RORA: variants seen among roughly 807,000 people sequenced by gnomAD.
RORA encodes the protein RAR related orphan receptor A.
Under a neutral mutation model 69.5 loss-of-function variants are expected in RORA, and 7 were observed. That is an observed-to-expected ratio of 0.10 (90% CI 0.06 to 0.19). The LOEUF (loss-of-function observed/expected upper bound fraction) is 0.19. Ranked by LOEUF, RORA falls within the 10% of genes least tolerant of loss-of-function variation. RORA has a pLI of 1.00. For missense variants in RORA, 457 were observed against 663.0 expected (o/e 0.69, Z 3.41); for synonymous variants, 261 against 240.8 (o/e 1.08, Z -0.78).
Position 60,511,188 on chromosome 15 carries a change from T to C in RORA, c.820+38A>G, listed in dbSNP as rs181111194. ...CATACCCCTTTTACTTCAAAGGGCATGAATAGAGCATCCCAGGAGAAGCAT... is the reference window on the plus strand; with the variant it reads ...CATACCCCTTTTACTTCAAAGGGCACGAATAGAGCATCCCAGGAGAAGCAT... On this transcript the variant is annotated intron_variant, in intron 5 of 10. Coordinates refer to ENST00000335670, the MANE Select transcript of RORA (RefSeq NM_134261.3). This position sits in a 1 kb window ranked among gnomAD's most constrained non-coding sequence, Gnocchi z 6.4. The C allele has an allele frequency of 5.8e-4, 910 of 1,579,416 alleles. 6 individuals are homozygous for C. The highest frequency in any genetic ancestry group is 3.1e-3 in the South Asian group (261 of 83,782).
intron 6 of RORA, among the ~76,000 whole-genome samples, chr15:60,505,145 A>G (rs2065458286): frequency 6.6e-6 from 1 of 152,212 alleles, no homozygotes; most frequent in Non-Finnish European, 1.5e-5. Context: ...ACTTCCAGAA[A>G]CATTAGGCTG....
intron 1 of RORA, among the ~76,000 whole-genome samples, chr15:60,725,990 T>G (rs1197346461): frequency 2.6e-5 from 4 of 152,144 alleles, no homozygotes; most frequent in African/African-American, 4.8e-5. Flanking sequence ...GCACACAACA[T>G]TTTTTGAATC....
In RORA at chr15:61,213,920, T is replaced by C. The variant is rs1041041780; in HGVS notation, c.166+15133A>G. 14 of 152,258 alleles carry C rather than the reference T, an allele frequency of 9.2e-5. No individual in the cohort carries two copies. Among genetic ancestry groups the C allele is most frequent in the Non-Finnish European group, 2.1e-4 (14 of 68,052 alleles). 9.4% of individuals were successfully genotyped at this position (152,258 alleles called of 1,614,324 possible). Reference sequence around the variant, plus strand: ...TGAAACTTTCGAGGAATAGATTTTCTTGCTTCATCCCAGTCCTCCCTCAGC... The same window carrying C: ...TGAAACTTTCGAGGAATAGATTTTCCTGCTTCATCCCAGTCCTCCCTCAGC... On this transcript the variant is annotated intron_variant, in intron 1 of 10. Coordinates refer to ENST00000335670, the MANE Select transcript of RORA (RefSeq NM_134261.3). The surrounding 1 kb of genome is among the most constrained non-coding windows in gnomAD (Gnocchi z 4.1).
At position 60,512,283 on chromosome 15, in the gene RORA, T is replaced by G. The variant is rs1359319442; in HGVS notation, c.425-662A>C. ...CCCTGAGACCCATCTTTATTTTTAT[T>G]TATTTAGTTAGTTATTTTGAGACAG... On this transcript the variant is annotated intron_variant, in intron 4 of 10. Transcript: ENST00000335670. 2.6e-5 allele frequency among the ~76,000 whole-genome samples: 4 copies of G among 152,124 alleles called. No homozygotes were observed. The East Asian group carries it at 7.7e-4, about 29-fold the overall frequency.
Position 60,980,332 on chromosome 15 carries a change from T to C in RORA, c.166+248721A>G, listed in dbSNP as rs1212834806. On this transcript the variant is annotated intron_variant, in intron 1 of 10. Transcript: ENST00000335670. ...TTTATATTCATAAGAGATATTAGCC[T>C]GTAGCTTTCCTTTCTTGGGATACCT... Among the ~76,000 whole-genome samples, 4 of 152,326 alleles carry C rather than the reference T, an allele frequency of 2.6e-5. No individual in the cohort carries two copies. The East Asian group carries it at 7.7e-4, about 29-fold the overall frequency.
chr15:60,925,598 C>G (rs1307538259), intron 1 of RORA, among the ~76,000 whole-genome samples: 1 of 152,230 alleles, frequency 6.6e-6, no homozygotes, highest in African/African-American at 2.4e-5. Context: ...TTTGGCCCAG[C>G]AGCCCCACAG....
chr15:60,874,398 C>A (rs2073591511), intron 1 of RORA, among the ~76,000 whole-genome samples: 2 of 152,176 alleles, frequency 1.3e-5, no homozygotes, highest in Admixed American at 6.5e-5. Context: ...TGTAGGGTTA[C>A]ATTCCAGCTT....
intron 2 of RORA, among the ~76,000 whole-genome samples, chr15:60,608,980 T>C (rs537805412): frequency 6.6e-6 from 1 of 152,332 alleles, no homozygotes; most frequent in South Asian, 2.1e-4. Flanking sequence ...GTGTCTATCA[T>C]GACATTGGCC....
chr15:60,813,083 T>C (rs1288923360), intron 1 of RORA, among the ~76,000 whole-genome samples: 1 of 152,220 alleles, frequency 6.6e-6, no homozygotes, highest in African/African-American at 2.4e-5. Context: ...CTTGTTTCTC[T>C]GCCATCTGCA....
intron 1 of RORA, among the ~76,000 whole-genome samples, chr15:61,162,015 A>C (rs932170435): frequency 6.6e-6 from 1 of 152,236 alleles, no homozygotes; most frequent in Non-Finnish European, 1.5e-5. Context: ...AAAAATAGAA[A>C]TGTAGATATA....
intron 2 of RORA, among the ~76,000 whole-genome samples, chr15:60,540,736 C>A (rs1373823415): frequency 6.6e-6 from 1 of 152,152 alleles, no homozygotes. Flanking sequence ...TGCTACTGCT[C>A]ATTGAATAGA....
In RORA at chr15:60,972,220, A is replaced by G. The variant is rs1252385751; in HGVS notation, c.166+256833T>C. On this transcript the variant is annotated intron_variant, in intron 1 of 10. Coordinates refer to ENST00000335670, the MANE Select transcript of RORA (RefSeq NM_134261.3). ...GGTAGATTGGATTTGCATATTGGAAACCATCAAGAGCCACTTGGAGTCAAG... is the reference window on the plus strand; with the variant it reads ...GGTAGATTGGATTTGCATATTGGAAGCCATCAAGAGCCACTTGGAGTCAAG... Among the ~76,000 whole-genome samples, 5 of 152,344 alleles carry G rather than the reference A, an allele frequency of 3.3e-5. No individual in the cohort carries two copies. In the East Asian group the frequency reaches 9.6e-4, roughly 29 times the overall value.
chr15:60,722,370 C>G (rs1243389432), intron 1 of RORA, among the ~76,000 whole-genome samples: 1 of 152,136 alleles, frequency 6.6e-6, no homozygotes, highest in Admixed American at 6.5e-5. Flanking sequence ...ATAGCAGCAC[C>G]CTTCCCCCAT....
chr15:60,495,739 C>T lies in RORA; in HGVS notation c.*1716G>A, dbSNP rs1223428698. The T allele has an allele frequency of 2.0e-5, 3 of 151,970 alleles. No individual in the cohort carries two copies. Among genetic ancestry groups the T allele is most frequent in the African/African-American group, 7.2e-5 (3 of 41,432 alleles). The allele number at this position is 151,970 out of a possible 1,614,324, so 9.4% of individuals were successfully genotyped here. A position where few individuals can be genotyped will look rare whatever the true frequency, so the allele number is the denominator to read the frequency against. ...TCTTTGACCAGTAGTTTGAATCCCA[C>T]CCCTAGTGCGACTAAAATCATCGTC... On this transcript the variant is annotated 3_prime_UTR_variant, in exon 11 of 11. Transcript: ENST00000335670.
intron 1 of RORA, among the ~76,000 whole-genome samples, chr15:60,842,831 T>A (rs1011170327): frequency 6.6e-6 from 1 of 151,920 alleles, no homozygotes; most frequent in Non-Finnish European, 1.5e-5. Context: ...AAGTAGAAGA[T>A]CGGGTGGATA....
chr15:60,873,877 T>C (rs188437608), intron 1 of RORA, among the ~76,000 whole-genome samples: 7 of 152,308 alleles, frequency 4.6e-5, no homozygotes, highest in African/African-American at 1.7e-4. Flanking sequence ...AATTTATCTT[T>C]CACATAGTAA....
At chr15:60,702,513 T>C (rs2070998703) in intron 1 of RORA, among the ~76,000 whole-genome samples, 1 of 152,144 alleles carries the variant, frequency 6.6e-6, no homozygotes, top group Admixed American at 6.5e-5. Flanking sequence ...ATTACAGGCG[T>C]GAGCCACCGC....
chr15:61,029,530 C>G (rs144025029), intron 1 of RORA, among the ~76,000 whole-genome samples: 19 of 151,946 alleles, frequency 1.3e-4, no homozygotes, highest in African/African-American at 4.6e-4. Flanking sequence ...GGAGTACAGA[C>G]GGGAGGGAGT....
At chr15:61,039,088 T>C (rs1896604593) in intron 1 of RORA, 1 of 152,212 alleles carries the variant, frequency 6.6e-6, no homozygotes, top group Non-Finnish European at 1.5e-5. Context: ...TCTTGCTGTT[T>C]GGGGTTAGCT....
Sources: allele counts gnomAD v4.1 joint callset (sites outside exome capture counted in the v4.1 genomes callset), GRCh38; gene constraint gnomAD v4.1.1; non-coding constraint Gnocchi (gnomAD v3.1); transcripts MANE v1.5; gene names NCBI Gene and HGNC (gene_info 2026-07-23, HGNC 2026-07-21).